The following CTRC variants were observed in gnomAD, a reference collection of about 807,000 sequenced individuals.
CTRC encodes chymotrypsin C, also known as chymotrypsin-C.
A neutral mutation model predicts 35.7 loss-of-function variants in CTRC; 32 were observed. The observed-to-expected ratio is 0.90, with a 90% CI of 0.68 to 1.20. The LOEUF is 1.20. CTRC is among the 50% of genes most tolerant of loss of function. The probability of loss-of-function intolerance (pLI) is 0.00; values close to 1 mark genes in which losing one functional copy is unlikely to be tolerated. For synonymous variants in CTRC, 119 were observed against 149.5 expected, an observed-to-expected ratio of 0.80 and a Z score of 1.49; for missense variants, 324 against 361.5, an observed-to-expected ratio of 0.90 and a Z score of 0.84.
intron 1 of CTRC, among the ~76,000 whole-genome samples, 173 bp downstream of exon 1, chr1:15,438,677 T>G (rs1366024741): frequency 6.6e-6 from 1 of 152,170 alleles, no homozygotes; most frequent in Non-Finnish European, 1.5e-5. Flanking sequence ...ACAGCCTGCC[T>G]GCCAACTCTG....
At chr1:15,443,719 C>G (rs948820308) in intron 5 of CTRC, among the ~76,000 whole-genome samples, 164 bp downstream of exon 5, 24 of 152,210 alleles carry the variant, frequency 1.6e-4, no homozygotes, top group African/African-American at 5.5e-4. Context: ...GTGACAGACA[C>G]TCTAGCAAGG....
rs746346152 is a variant in CTRC at position 15,442,537 on chromosome 1, C to A, written c.321C>A (p.Ile107=). The A allele has an allele frequency of 2.5e-6, 4 of 1,614,138 alleles. No individual in the cohort carries two copies. The change falls in exon 4 of 8, where the codon ATC becomes ATA. Residue 107 remains isoleucine, a synonymous_variant. Coordinates refer to ENST00000375949, the MANE Select transcript of CTRC (RefSeq NM_007272.3). ...CCCTGTTTGTGGGTGTGGACACCAT[C>A]CACGTCCACAAGAGATGGAATGCCC... is the stretch of plus-strand genomic sequence containing the variant. The part of the protein sequence containing the change: ...EGSLFVGVDT[I]HVHKRWNALL...
At chr1:15,444,856 C>G in intron 6 of CTRC, 105 bp downstream of exon 6, 1 of 1,474,292 alleles carries the variant, frequency 6.8e-7, no homozygotes, top group Admixed American at 1.8e-5. Flanking sequence ...GGAGACTGAG[C>G]GAGCCCTGGC....
intron 5 of CTRC, 23 bp from the exon 6 acceptor site, chr1:15,444,583 G>C: frequency 1.2e-6 from 2 of 1,613,882 alleles, no homozygotes; most frequent in Non-Finnish European, 1.7e-6. Flanking sequence ...TGCCTCCCTG[G>C]TCACTGCTCA....
At position 15,445,696 on chromosome 1, in the gene CTRC, A is replaced by C. The variant is rs1708206743; in HGVS notation, c.739A>C (p.Lys247Gln). 6.2e-7 allele frequency: 1 copy of C among 1,613,786 alleles called. No homozygotes were observed. The highest frequency in any genetic ancestry group is 1.3e-5 in the African/African-American group (1 of 74,918). The part of the protein sequence containing the change: ...FGSRRGCNTR[K>Q]KPVVYTRVSA... ...CTCCCGGCGGGGCTGCAACACCCGC[A>C]AGAAGCCGGTAGTCTACACCCGGGT... The change falls in exon 7 of 8, where the codon AAG (lysine) becomes CAG (glutamine). Residue 247 changes from lysine (K) to glutamine (Q), a missense_variant. Lys to Gln is a moderately conservative substitution (Grantham distance 53). Transcript: ENST00000375949.
rs1708249238 is a variant in CTRC at position 15,448,232 on chromosome 1, G to T, written c.*1643G>T. On this transcript the variant is annotated 3_prime_UTR_variant, in exon 8 of 8. Transcript: ENST00000375949. ...CTGATGCCCAGGCTGGAGTGCAGTGGCACAATCTCAGCTCACTGCAACCTC... is the reference window on the plus strand; with the variant it reads ...CTGATGCCCAGGCTGGAGTGCAGTGTCACAATCTCAGCTCACTGCAACCTC... 6.7e-6 allele frequency: 1 copy of T among 149,834 alleles called. No homozygotes were observed. The highest frequency in any genetic ancestry group is 2.0e-4 in the East Asian group (1 of 5,108). 9.3% of individuals were successfully genotyped at this position (149,834 alleles called of 1,614,324 possible).
chr1:15,442,414 G>A (rs1434484331), intron 3 of CTRC, 33 bp from the exon 4 acceptor site: 3 of 1,589,276 alleles, frequency 1.9e-6, no homozygotes, highest in African/African-American at 2.7e-5. Context: ...GGACCAGGGG[G>A]CCACCCTGAC....
intron 4 of CTRC, 99 bp from the exon 5 acceptor site, chr1:15,443,319 AC>A (rs1268003225): frequency 7.0e-7 from 1 of 1,431,666 alleles, no homozygotes; most frequent in East Asian, 2.3e-5. Context: ...ACCCCTGAGC[AC>A]CCTGGGCCTG....
In CTRC at chr1:15,443,813, A is replaced by G. The variant is rs1708172424; in HGVS notation, c.493+258A>G. 2.0e-5 allele frequency among the ~76,000 whole-genome samples: 3 copies of G among 152,244 alleles called. No homozygotes were observed. The South Asian group carries it at 6.2e-4, about 31-fold the overall frequency. ...GCACTTGGCACATAGTAAGTGTCAC[A>G]TAAATAAACTAAAATAAACCATTAG... On this transcript the variant is annotated intron_variant, in intron 5 of 7. Transcript: ENST00000375949.
At chr1:15,445,808 A>AT in intron 7 of CTRC, 59 bp downstream of exon 7, 1 of 1,589,318 alleles carries the variant, frequency 6.3e-7, no homozygotes, top group Non-Finnish European at 8.6e-7. Flanking sequence ...TCACTCACCC[A>AT]TCCCCTCACT....
At position 15,442,462 on chromosome 1, in the gene CTRC, C is replaced by A. The variant is rs754640545; in HGVS notation, c.246C>A (p.Tyr82Ter). Residue 82 changes from tyrosine (Y) to a stop codon, truncating the protein, a stop_gained, in exon 4 of 8, where the codon TAC (tyrosine) becomes TAA (stop). Transcript: ENST00000375949. LOFTEE classifies it high-confidence loss of function. ...AAHCISNTRTYRVAVGKNNLE... is the reference protein window; with the variant it reads ...AAHCISNTRT ...CTCTGCCCAGCAACACCCGGACCTA[C>A]CGTGTGGCCGTGGGAAAGAACAACC... The A allele has an allele frequency of 1.2e-6, 2 of 1,613,588 alleles. No individual in the cohort carries two copies. Among genetic ancestry groups the A allele is most frequent in the African/African-American group, 2.7e-5 (2 of 74,906 alleles).
At chr1:15,446,495 C>T (rs976126446) in intron 7 of CTRC, 80 bp from the exon 8 acceptor site, 6 of 1,472,238 alleles carry the variant, frequency 4.1e-6, no homozygotes, top group African/African-American at 1.4e-5. Context: ...CCCCATGGAC[C>T]CACCCTCCGG....
At chr1:15,446,368 T>C (rs370677104) in intron 7 of CTRC, among the ~76,000 whole-genome samples, 19 of 152,338 alleles carry the variant, frequency 1.2e-4, no homozygotes, top group African/African-American at 2.2e-4. Context: ...GGCTTCCCCA[T>C]TGGGGACAGA....
chr1:15,444,121 TG>T (rs959263462), intron 5 of CTRC, among the ~76,000 whole-genome samples: 6 of 151,880 alleles, frequency 4.0e-5, no homozygotes, highest in Admixed American at 6.6e-5. Context: ...CAGTGTATGG[TG>T]GTGTGTACCT....
In CTRC at chr1:15,442,567, G is replaced by A; in HGVS notation, c.351G>A (p.Leu117=). ...TCCACAAGAGATGGAATGCCCTCCT[G>A]TTGCGGTGAGTGACAGACTGCCCAT... ...IHVHKRWNAL[L]LRNDIALIKL... The change falls in exon 4 of 8, where the codon CTG becomes CTA. Residue 117 remains leucine (L), a synonymous_variant. Coordinates refer to ENST00000375949, the MANE Select transcript of CTRC (RefSeq NM_007272.3). 3.7e-6 allele frequency: 6 copies of A among 1,614,044 alleles called. No homozygotes were observed. Among genetic ancestry groups the A allele is most frequent in the Non-Finnish European group, 4.2e-6 (5 of 1,179,960 alleles).
Position 15,445,760 on chromosome 1 carries a change from C to T in CTRC, c.792+11C>T. 6.2e-7 allele frequency: 1 copy of T among 1,613,912 alleles called. No homozygotes were observed. Among genetic ancestry groups the T allele is most frequent in the Non-Finnish European group, 8.5e-7 (1 of 1,180,010 alleles). ...GACTGGATCAACGAGGTGGGTGCTGCCTCCACAGCTGTCCCTGCACCTGTC... is the reference window on the plus strand; with the variant it reads ...GACTGGATCAACGAGGTGGGTGCTGTCTCCACAGCTGTCCCTGCACCTGTC... On this transcript the variant is annotated intron_variant, in intron 7 of 7. Coordinates refer to ENST00000375949, the MANE Select transcript of CTRC (RefSeq NM_007272.3).
chr1:15,442,377 G>T, intron 3 of CTRC, 70 bp from the exon 4 acceptor site: 1 of 1,552,936 alleles, frequency 6.4e-7, no homozygotes, highest in South Asian at 1.2e-5. Context: ...AAAGCCCCGA[G>T]CTCCCTCTCT....
intron 1 of CTRC, 62 bp from the exon 2 acceptor site, chr1:15,440,238 A>ACCCC: frequency 1.3e-5 from 4 of 313,702 alleles, no homozygotes; most frequent in Non-Finnish European, 2.6e-5. Context: ...CCACCCTCCC[A>ACCCC]CCCCTTTCCC....
At chr1:15,441,326 G>A (rs540607686) in intron 3 of CTRC, among the ~76,000 whole-genome samples, 1 of 152,180 alleles carries the variant, frequency 6.6e-6, no homozygotes, top group Non-Finnish European at 1.5e-5. Context: ...GGGTTATTTG[G>A]GCAAAGGCCT....
Sources: gnomAD v4.1 joint callset for allele counts (sites outside exome capture counted in the v4.1 genomes callset) on GRCh38, gnomAD v4.1.1 for gene constraint, MANE v1.5 for transcripts, NCBI Gene and HGNC (gene_info 2026-07-23, HGNC 2026-07-21) for gene names.